PBRM1: variants seen among roughly 807,000 people sequenced by gnomAD.
PBRM1 encodes the protein polybromo 1.
PBRM1 carries 27 observed loss-of-function variants against 194.5 expected under a neutral mutation model. The ratio of observed to expected loss-of-function variants is 0.14; its 90% confidence interval spans 0.10 to 0.19. The LOEUF (loss-of-function observed/expected upper bound fraction) is 0.19, where lower values mean the gene tolerates loss of function less well. PBRM1 is among the 10% of genes least tolerant of loss of function. PBRM1 has a pLI of 1.00. For missense variants in PBRM1, 1,466 were observed against 2,077.2 expected, an observed-to-expected ratio of 0.71 and a Z score of 5.72; for synonymous variants, 655 against 693.2, an observed-to-expected ratio of 0.94 and a Z score of 0.87.
At position 52,651,735 on chromosome 3, in the gene PBRM1, T is replaced by C; in HGVS notation, c.714+7A>G. 4.6e-6 allele frequency: 7 copies of C among 1,535,488 alleles called. No homozygotes were observed. Among genetic ancestry groups the C allele is most frequent in the Non-Finnish European group, 6.3e-6 (7 of 1,115,210 alleles). On this transcript the variant is annotated splice_region_variant and intron_variant, in intron 6 of 29. Coordinates refer to ENST00000296302, the Ensembl canonical transcript of PBRM1. ...CCACAATCATTTACTTATGGTCATC[T>C]TCATACCTGTATCCTCTGGGCAATG...
chr3:52,547,856 T>C (rs907720092), downstream of PBRM1: 10 of 458,440 alleles, frequency 2.2e-5, no homozygotes, highest in East Asian at 3.9e-5. Context: ...AAAAAAATCT[T>C]TGTGTATTTG....
chr3:52,641,133 T>C (rs2096063032), intron 10 of PBRM1, among the ~76,000 whole-genome samples: 1 of 152,056 alleles, frequency 6.6e-6, no homozygotes, highest in Non-Finnish European at 1.5e-5. Context: ...AAAAACAAGA[T>C]ACAACTGGAG....
intron 25 of PBRM1, 79 bp downstream of exon 27, chr3:52,561,688 G>A: frequency 1.6e-6 from 2 of 1,232,580 alleles, no homozygotes; most frequent in Non-Finnish European, 1.2e-6. Flanking sequence ...GTAAGAACAA[G>A]AGTAAAACCT....
intron 17 of PBRM1, among the ~76,000 whole-genome samples, chr3:52,590,939 T>C (rs756702669): frequency 1.3e-5 from 2 of 152,242 alleles, no homozygotes; most frequent in Non-Finnish European, 2.9e-5. Flanking sequence ...CTGATTTCTT[T>C]GGGCAGTGAG....
chr3:52,622,065 C>T (rs2095298756), intron 13 of PBRM1, among the ~76,000 whole-genome samples: 1 of 150,490 alleles, frequency 6.6e-6, no homozygotes, highest in South Asian at 2.1e-4. Flanking sequence ...AAAGGCCAAG[C>T]ATGGTGGCTC....
At chr3:52,656,361 C>G (rs566785085) in intron 5 of PBRM1, among the ~76,000 whole-genome samples, 13 of 152,202 alleles carry the variant, frequency 8.5e-5, no homozygotes, top group African/African-American at 2.9e-4. Context: ...AAAGTTTCCA[C>G]TCTTAAAAAT....
chr3:52,609,574 G>A lies in PBRM1; in HGVS notation c.2306C>T (p.Ser769Phe), dbSNP rs768149020. 1.9e-6 allele frequency: 3 copies of A among 1,613,644 alleles called. No individual in the cohort carries two copies. Among genetic ancestry groups the A allele is most frequent in the Non-Finnish European group, 2.5e-6 (3 of 1,179,774 alleles). ...CAGCAAAGTCACATTTGGGACATGA[G>A]AGTCCTCATCTCCCTCCAGGTCTCT... The change falls in exon 16 of 30, where the codon TCT (serine) becomes TTT (phenylalanine). Residue 769 changes from serine (S) to phenylalanine (F), a missense_variant. This residue lies in a region of PBRM1 where 687 missense variants were observed against 946.2 expected (regional missense o/e 0.73). Transcript: ENST00000296302. The surrounding 1 kb of genome is among the most constrained non-coding windows in gnomAD (Gnocchi z 4.1).
chr3:52,592,495 G>C (rs1453417367), intron 17 of PBRM1, among the ~76,000 whole-genome samples: 1 of 152,194 alleles, frequency 6.6e-6, no homozygotes, highest in African/African-American at 2.4e-5. Flanking sequence ...AACCAACCTT[G>C]CATCCCAGGG....
At chr3:52,630,256 G>T (rs1488830507) in intron 11 of PBRM1, among the ~76,000 whole-genome samples, 1 of 152,104 alleles carries the variant, frequency 6.6e-6, no homozygotes. Context: ...ACAGCAGAAG[G>T]TAGCATATGG....
intron 26 of PBRM1, among the ~76,000 whole-genome samples, chr3:52,555,824 T>C (rs58100002): frequency 0.073 from 11,146 of 152,254 alleles, 978 homozygotes; most frequent in African/African-American, 0.21. Context: ...AGCAAACAAG[T>C]ATTTTTGGCA....
At chr3:52,667,157 T>A (rs2096855844) in intron 3 of PBRM1, among the ~76,000 whole-genome samples, 2 of 152,120 alleles carry the variant, frequency 1.3e-5, no homozygotes, top group Admixed American at 6.5e-5. Context: ...CAAAAATCAA[T>A]CCTAGCTGCA....
chr3:52,592,217 T>C (rs1253230970), intron 17 of PBRM1, among the ~76,000 whole-genome samples: 1 of 151,476 alleles, frequency 6.6e-6, no homozygotes, highest in East Asian at 1.9e-4. Context: ...CACTGCAGTC[T>C]GCCTCCTGGG....
At chr3:52,610,019 T>C (rs1216714929) in intron 15 of PBRM1, 64 bp from the exon 18 acceptor site, 3 of 985,066 alleles carry the variant, frequency 3.0e-6, no homozygotes, top group Admixed American at 2.7e-5. Context: ...ATACAGATGG[T>C]AGCATAACCA....
intron 13 of PBRM1, among the ~76,000 whole-genome samples, chr3:52,622,344 A>G (rs542534471): frequency 1.5e-5 from 2 of 131,310 alleles, no homozygotes; most frequent in African/African-American, 5.0e-5. Flanking sequence ...TCTCAAAAAA[A>G]TAAAAAAAAA....
chr3:52,576,343 A>G (rs886857284), intron 22 of PBRM1, among the ~76,000 whole-genome samples, 198 bp downstream of exon 24: 1 of 152,080 alleles, frequency 6.6e-6, no homozygotes, highest in African/African-American at 2.4e-5. Flanking sequence ...GTTGTGCCCT[A>G]ATTACCACCT....
chr3:52,594,857 G>A (rs2093412937), intron 17 of PBRM1, among the ~76,000 whole-genome samples: 1 of 152,142 alleles, frequency 6.6e-6, no homozygotes, highest in Non-Finnish European at 1.5e-5. Context: ...AGAAATTACT[G>A]GTTGGAATTT....
intron 20 of PBRM1, chr3:52,586,184 T>C (rs1401629004): frequency 1.8e-5 from 6 of 326,986 alleles, no homozygotes; most frequent in Non-Finnish European, 2.8e-5. Context: ...TCTGCCCGCC[T>C]TGGCCTCCCA....
chr3:52,602,676 A>G (rs539922529), intron 17 of PBRM1, among the ~76,000 whole-genome samples: 2 of 152,300 alleles, frequency 1.3e-5, no homozygotes, highest in South Asian at 4.1e-4. Flanking sequence ...CCTCTCCCCT[A>G]AACCCCACAC....
chr3:52,677,706 C>T (rs1195336916), intron 2 of PBRM1, among the ~76,000 whole-genome samples: 1 of 152,148 alleles, frequency 6.6e-6, no homozygotes, highest in African/African-American at 2.4e-5. Flanking sequence ...AGCCATTGCG[C>T]CCAGCCTTGC....
Sources: gnomAD v4.1 joint callset for allele counts (sites outside exome capture counted in the v4.1 genomes callset) on GRCh38, gnomAD v4.1.1 for gene constraint, gnomAD v4.1.1 regional missense constraint, Gnocchi (gnomAD v3.1) non-coding constraint, MANE v1.5 for transcripts, NCBI Gene and HGNC (gene_info 2026-07-23, HGNC 2026-07-21) for gene names.